The following ZC3H12B variants were observed in gnomAD, a reference collection of about 807,000 sequenced individuals.
The protein encoded by ZC3H12B is zinc finger CCCH-type containing 12B, also known as probable ribonuclease ZC3H12B.
A neutral mutation model predicts 43.9 loss-of-function variants in ZC3H12B; 7 were observed. That is an observed-to-expected ratio of 0.16 (90% confidence interval 0.09 to 0.30). ZC3H12B has a LOEUF of 0.30. Among genes scored for constraint, ZC3H12B ranks in the 10% least tolerant of loss-of-function variants. The probability of loss-of-function intolerance (pLI) is 1.00; values close to 1 mark genes in which losing one functional copy is unlikely to be tolerated. For synonymous variants in ZC3H12B, 222 were observed against 241.7 expected (o/e 0.92, Z 0.76); for missense variants, 475 against 670.2 (o/e 0.71, Z 3.22).
At chrX:65,036,703 G>T in the ZC3H12B span, among the ~76,000 whole-genome samples, 1 of 103,961 alleles carries the variant, frequency 9.6e-6, no homozygotes, top group South Asian at 3.9e-4. Context: ...GATTCCAAAG[G>T]TAATTTTTTT....
At chrX:65,147,575 G>A in the ZC3H12B span, among the ~76,000 whole-genome samples, 2 of 111,419 alleles carry the variant, frequency 1.8e-5, no homozygotes, top group Non-Finnish European at 3.8e-5. Flanking sequence ...AGGTCCACTG[G>A]GACAGGCCTG....
chrX:65,080,647 C>T, the ZC3H12B span, among the ~76,000 whole-genome samples: 1 of 111,269 alleles, frequency 9.0e-6, no homozygotes, highest in Non-Finnish European at 1.9e-5. Flanking sequence ...TCCTTCAAAC[C>T]TGGAGAAACA....
the ZC3H12B span, among the ~76,000 whole-genome samples, chrX:65,211,900 A>T: frequency 4.8e-4 from 36 of 75,156 alleles, no homozygotes; most frequent in Non-Finnish European, 7.5e-4. Flanking sequence ...ACTATATAAT[A>T]TATATGTTAT....
At chrX:65,316,735 A>G in the ZC3H12B span, among the ~76,000 whole-genome samples, 2 of 112,028 alleles carry the variant, frequency 1.8e-5, no homozygotes, top group East Asian at 2.8e-4. Flanking sequence ...GCAAGTACAC[A>G]ATAAAATCTG....
chrX:65,204,846 G>C, the ZC3H12B span, among the ~76,000 whole-genome samples: 1 of 111,699 alleles, frequency 9.0e-6, no homozygotes, highest in East Asian at 2.8e-4. Context: ...ATTTGAATTT[G>C]AGAAACTGTC....
At chrX:65,088,747 G>T in the ZC3H12B span, among the ~76,000 whole-genome samples, 3 of 111,049 alleles carry the variant, frequency 2.7e-5, no homozygotes, top group African/African-American at 9.8e-5. Flanking sequence ...TTTAAGGATG[G>T]TTTTTTTCGC....
chrX:65,227,477 A>G, the ZC3H12B span, among the ~76,000 whole-genome samples: 1 of 110,748 alleles, frequency 9.0e-6, no homozygotes, highest in African/African-American at 3.3e-5. Flanking sequence ...AAAGAACTAG[A>G]AAAGCAAGAG....
chrX:65,222,689 A>C, the ZC3H12B span, among the ~76,000 whole-genome samples: 1 of 108,573 alleles, frequency 9.2e-6, no homozygotes, highest in South Asian at 3.9e-4. Context: ...GCTGTGAAAG[A>C]CCTCTACATG....
At chrX:65,379,225 G>C (rs1335405764) in intron 2 of ZC3H12B, among the ~76,000 whole-genome samples, 2 of 111,855 alleles carry the variant, frequency 1.8e-5, no homozygotes, top group Non-Finnish European at 3.8e-5. Context: ...GCTTTGAAGA[G>C]AGCAGTGGTT....
At chrX:65,130,533 G>C in the ZC3H12B span, among the ~76,000 whole-genome samples, 1 of 110,988 alleles carries the variant, frequency 9.0e-6, no homozygotes, top group Non-Finnish European at 1.9e-5. Context: ...GAAGGGAGGG[G>C]GCCTGAACAA....
At chrX:65,168,294 C>CAT in the ZC3H12B span, among the ~76,000 whole-genome samples, 1 of 111,665 alleles carries the variant, frequency 9.0e-6, no homozygotes, top group Non-Finnish European at 1.9e-5. Context: ...TTGATATAAT[C>CAT]ATATGGTTTT....
the ZC3H12B span, among the ~76,000 whole-genome samples, chrX:65,219,581 T>A: frequency 9.0e-6 from 1 of 111,530 alleles, no homozygotes; most frequent in Admixed American, 9.6e-5. Context: ...ACAAGGCTTT[T>A]GAATTAACCC....
intron 3 of ZC3H12B, among the ~76,000 whole-genome samples, chrX:65,464,603 T>C (rs2067794240): frequency 9.0e-6 from 1 of 111,163 alleles, no homozygotes; most frequent in Non-Finnish European, 1.9e-5. Context: ...TTTTATTATA[T>C]GTATTTATTT....
At chrX:65,153,761 C>T in the ZC3H12B span, among the ~76,000 whole-genome samples, 1 of 111,570 alleles carries the variant, frequency 9.0e-6, no homozygotes, top group Non-Finnish European at 1.9e-5. Flanking sequence ...AATCATGCTG[C>T]TATAAAGACA....
At chrX:65,126,322 C>T in the ZC3H12B span, among the ~76,000 whole-genome samples, 1 of 111,277 alleles carries the variant, frequency 9.0e-6, no homozygotes, top group Admixed American at 9.6e-5. Context: ...ATCCAAATCC[C>T]TTCTAGTTTG....
At chrX:65,151,371 A>G in the ZC3H12B span, among the ~76,000 whole-genome samples, 3 of 112,316 alleles carry the variant, frequency 2.7e-5, no homozygotes, top group Admixed American at 1.9e-4. Flanking sequence ...TTAATAAGGT[A>G]TTTGGAATAA....
the ZC3H12B span, among the ~76,000 whole-genome samples, chrX:65,081,869 C>A: frequency 9.0e-6 from 1 of 111,563 alleles, no homozygotes; most frequent in Non-Finnish European, 1.9e-5. Context: ...CAAGGATAGA[C>A]CATAAGTTAG....
At chrX:65,318,102 T>G in the ZC3H12B span, among the ~76,000 whole-genome samples, 58 of 109,482 alleles carry the variant, frequency 5.3e-4, no homozygotes, top group Non-Finnish European at 1.0e-3. Flanking sequence ...CTCCACACTG[T>G]TTACATAGTA....
chrX:65,331,101 G>A, the ZC3H12B span: 4 of 304,225 alleles, frequency 1.3e-5, no homozygotes, highest in Admixed American at 3.5e-5. Flanking sequence ...CAATTGTAAT[G>A]TACAAAGTAT....
Sources: gnomAD v4.1 joint callset for allele counts (sites outside exome capture counted in the v4.1 genomes callset) on GRCh38, gnomAD v4.1.1 for gene constraint, MANE v1.5 for transcripts, NCBI Gene and HGNC (gene_info 2026-07-23, HGNC 2026-07-21) for gene names.